LRP1B: variants seen among roughly 807,000 people sequenced by gnomAD.
LRP1B encodes the protein LDL receptor related protein 1B, also known as low-density lipoprotein receptor-related protein 1B.
Under a neutral mutation model 556.6 loss-of-function variants are expected in LRP1B, and 217 were observed. That is an observed-to-expected ratio of 0.39 (90% CI 0.35 to 0.44). The LOEUF is 0.44. Ranked by LOEUF, LRP1B falls within the 20% of genes least tolerant of loss-of-function variation. LRP1B has a pLI of 1.00. For missense variants in LRP1B, 5,053 were observed against 5,620.8 expected (o/e 0.90, Z 3.23); for synonymous variants, 2,047 against 1,865.8 (o/e 1.10, Z -2.50).
chr2:140,804,608 T>C (rs927801729), intron 32 of LRP1B, among the ~76,000 whole-genome samples: 2 of 149,958 alleles, frequency 1.3e-5, no homozygotes. Context: ...TCATTGAGAA[T>C]TCAGCTGAAA....
intron 20 of LRP1B, among the ~76,000 whole-genome samples, chr2:140,931,971 A>G (rs1695063755): frequency 6.6e-6 from 1 of 152,290 alleles, no homozygotes; most frequent in Non-Finnish European, 1.5e-5. Flanking sequence ...GATAGGCTAC[A>G]TTTGGAAATT....
At chr2:140,604,299 G>C (rs1270465205) in intron 41 of LRP1B, among the ~76,000 whole-genome samples, 1 of 151,588 alleles carries the variant, frequency 6.6e-6, no homozygotes, top group East Asian at 1.9e-4. Context: ...GGCTAAGCAT[G>C]AGTCAGGTCC....
intron 11 of LRP1B, 30 bp from the exon 12 acceptor site, chr2:141,020,132 T>A (rs1213122027): frequency 1.4e-6 from 2 of 1,418,858 alleles, no homozygotes; most frequent in Non-Finnish European, 1.9e-6. Flanking sequence ...AAGAAAGAAA[T>A]TGCTTTTACA....
chr2:141,418,325 C>A lies in LRP1B; in HGVS notation c.343+62071G>T, dbSNP rs187381710. ...AAAATCATGAATATCAATGTTATAA[C>A]CCTTTTGCCCTACATTCTTTTCTTT... On this transcript the variant is annotated intron_variant, in intron 3 of 90. Coordinates refer to ENST00000389484, the MANE Select transcript of LRP1B (RefSeq NM_018557.3). Among the ~76,000 whole-genome samples the A allele has an allele frequency of 3.3e-5, 5 of 152,134 alleles. No homozygotes were observed. In the East Asian group the frequency reaches 7.7e-4, roughly 23 times the overall value.
At chr2:141,662,120 C>A (rs973443428) in intron 2 of LRP1B, among the ~76,000 whole-genome samples, 1 of 152,106 alleles carries the variant, frequency 6.6e-6, no homozygotes. Flanking sequence ...ACTTTTCAGA[C>A]AAGCAAATGC....
At chr2:141,512,670 T>C (rs1237434917) in intron 2 of LRP1B, among the ~76,000 whole-genome samples, 3 of 152,194 alleles carry the variant, frequency 2.0e-5, no homozygotes, top group African/African-American at 7.2e-5. Context: ...GTTTAGCTTT[T>C]AGCTTAGTGA....
chr2:141,063,660 C>A (rs748762647), intron 7 of LRP1B, among the ~76,000 whole-genome samples: 4 of 151,788 alleles, frequency 2.6e-5, no homozygotes, highest in Non-Finnish European at 5.9e-5. Context: ...TGCTTCCATC[C>A]TGCATCTCTG....
intron 2 of LRP1B, among the ~76,000 whole-genome samples, chr2:141,720,239 G>T (rs1031835328): frequency 2.0e-5 from 3 of 152,072 alleles, no homozygotes; most frequent in African/African-American, 4.8e-5. Flanking sequence ...TAGAGTGAAG[G>T]TCTAGATAAT....
intron 2 of LRP1B, among the ~76,000 whole-genome samples, chr2:141,757,546 G>C (rs916062738): frequency 6.6e-6 from 1 of 151,812 alleles, no homozygotes; most frequent in African/African-American, 2.4e-5. Context: ...TGGTTGAGGA[G>C]TAATCAAACT....
chr2:140,563,494 G>C (rs1467150183), intron 43 of LRP1B, among the ~76,000 whole-genome samples: 2 of 152,108 alleles, frequency 1.3e-5, no homozygotes, highest in Non-Finnish European at 2.9e-5. Context: ...GTTCACAATT[G>C]TACAGCTCAG....
chr2:140,392,925 T>C (rs1219194286), intron 66 of LRP1B, among the ~76,000 whole-genome samples: 8 of 150,100 alleles, frequency 5.3e-5, no homozygotes, highest in Non-Finnish European at 1.2e-4. Context: ...AGGCCTTTCA[T>C]ATATAACTTT....
chr2:140,259,583 A>C (rs1681843075), intron 86 of LRP1B, among the ~76,000 whole-genome samples: 1 of 152,072 alleles, frequency 6.6e-6, no homozygotes, highest in Non-Finnish European at 1.5e-5. Context: ...TAAGTGTATC[A>C]TAAGCTGCCG....
intron 51 of LRP1B, among the ~76,000 whole-genome samples, chr2:140,510,534 G>A (rs780109828): frequency 6.6e-6 from 1 of 152,064 alleles, no homozygotes; most frequent in Non-Finnish European, 1.5e-5. Flanking sequence ...ACTGAGGCTC[G>A]GGGAAGTTGA....
rs191856527 is a variant in LRP1B, at chr2:141,407,312, G to A, written c.343+73084C>T. ...CAACTCAGTGAAGTACATGGAAAAT[G>A]TTTCTTGCCTTTCCACATGTGATCC... On this transcript the variant is annotated intron_variant, in intron 3 of 90. Transcript: ENST00000389484. Among the ~76,000 whole-genome samples the A allele has an allele frequency of 1.0e-3, 159 of 152,174 alleles. 1 individual carries two copies. The highest frequency in any genetic ancestry group is 3.5e-4 in the Non-Finnish European group (24 of 68,012).
chr2:141,240,131 T>G (rs1241123027), intron 5 of LRP1B, among the ~76,000 whole-genome samples: 1 of 152,004 alleles, frequency 6.6e-6, no homozygotes. Context: ...AAAAATGAAA[T>G]CAATGCAACA....
intron 32 of LRP1B, among the ~76,000 whole-genome samples, chr2:140,792,173 T>A (rs573099128): frequency 3.7e-4 from 56 of 152,338 alleles, no homozygotes; most frequent in African/African-American, 1.3e-3. Context: ...TAAAATGGTA[T>A]TTAAGCCACA....
intron 46 of LRP1B, among the ~76,000 whole-genome samples, chr2:140,535,727 T>C (rs929025402): frequency 2.0e-5 from 3 of 152,156 alleles, no homozygotes; most frequent in African/African-American, 4.8e-5. Context: ...TCAATGATCA[T>C]GCAAAGACAT....
At chr2:141,908,788 C>A (rs943541382) in intron 1 of LRP1B, among the ~76,000 whole-genome samples, 1 of 151,990 alleles carries the variant, frequency 6.6e-6, no homozygotes, top group African/African-American at 2.4e-5. Flanking sequence ...ATGATTTAAG[C>A]TTTCACTAAC....
intron 29 of LRP1B, among the ~76,000 whole-genome samples, chr2:140,848,040 CT>C (rs1245373460): frequency 6.6e-6 from 1 of 151,824 alleles, no homozygotes; most frequent in Non-Finnish European, 1.5e-5. Context: ...ACATCTTTTG[CT>C]CTTTATAATT....
Sources: gnomAD v4.1 joint callset for allele counts (sites outside exome capture counted in the v4.1 genomes callset) on GRCh38, gnomAD v4.1.1 for gene constraint, MANE v1.5 for transcripts, NCBI Gene and HGNC (gene_info 2026-07-23, HGNC 2026-07-21) for gene names.